The following UNC13C variants were observed in gnomAD, a reference collection of about 807,000 sequenced individuals.
UNC13C encodes the protein unc-13 homolog C.
UNC13C carries 174 observed loss-of-function variants against 245.4 expected under a neutral mutation model. The ratio of observed to expected loss-of-function variants is 0.71; its 90% confidence interval spans 0.63 to 0.80. The LOEUF (loss-of-function observed/expected upper bound fraction) is 0.80, where lower values mean the gene tolerates loss of function less well. UNC13C is among the 30% of genes least tolerant of loss of function. The pLI is 0.00. For synonymous variants in UNC13C, 992 were observed against 895.1 expected, an observed-to-expected ratio of 1.11 and a Z score of -1.93; for missense variants, 2,829 against 2,602.9, an observed-to-expected ratio of 1.09 and a Z score of -1.89.
intron 19 of UNC13C, among the ~76,000 whole-genome samples, chr15:54,443,720 G>C (rs1890655437): frequency 6.6e-6 from 1 of 151,854 alleles, no homozygotes; most frequent in Non-Finnish European, 1.5e-5. Context: ...GTTTCCAATA[G>C]GTCCTCTTTG....
chr15:54,462,856 G>T (rs1385980138), intron 19 of UNC13C, among the ~76,000 whole-genome samples: 1 of 152,152 alleles, frequency 6.6e-6, no homozygotes, highest in East Asian at 1.9e-4. Context: ...TGCTGGACTG[G>T]CAGGCAGCTC....
In UNC13C at chr15:54,048,476, A is replaced by T. The variant is rs1316935476; in HGVS notation, c.2983+32590A>T. On this transcript the variant is annotated intron_variant, in intron 2 of 32. Coordinates refer to ENST00000260323, the MANE Select transcript of UNC13C (RefSeq NM_001080534.3). ...CTTGATAATGAGGCCAGCCTGAAGA[A>T]GTGCTATTTCAGCCTCCTGTATGTT... 7 of 608,396 alleles carry T rather than the reference A, an allele frequency of 1.2e-5. No homozygotes were observed. The East Asian group carries it at 2.7e-4, about 24-fold the overall frequency. The allele number at this position is 608,396 out of a possible 1,614,324, so 37.7% of individuals were successfully genotyped here.
At chr15:54,506,232 G>A (rs1465886221) in intron 22 of UNC13C, among the ~76,000 whole-genome samples, 1 of 152,072 alleles carries the variant, frequency 6.6e-6, no homozygotes, top group East Asian at 1.9e-4. Flanking sequence ...GTGTTTATAT[G>A]TTGTTGTGTA....
At chr15:54,183,797 A>G (rs1026382344) in intron 4 of UNC13C, among the ~76,000 whole-genome samples, 2 of 151,630 alleles carry the variant, frequency 1.3e-5, no homozygotes, top group Admixed American at 6.6e-5. Flanking sequence ...CATTGCAGAC[A>G]GTATTAAGTA....
chr15:54,337,666 C>T (rs991123042), intron 16 of UNC13C, among the ~76,000 whole-genome samples: 9 of 152,138 alleles, frequency 5.9e-5, no homozygotes, highest in Admixed American at 5.2e-4. Flanking sequence ...TAAATTGTAA[C>T]GCTGTTCTCA....
chr15:53,974,655 T>C (rs563639686), upstream of UNC13C, among the ~76,000 whole-genome samples: 1 of 152,320 alleles, frequency 6.6e-6, no homozygotes, highest in East Asian at 1.9e-4. Context: ...GAGCCTAAAA[T>C]TTTACTTCTT....
chr15:53,855,558 G>A, the UNC13C span, among the ~76,000 whole-genome samples: 1 of 152,058 alleles, frequency 6.6e-6, no homozygotes, highest in African/African-American at 2.4e-5. Context: ...ATTATCATAT[G>A]GTTTTTTGTC....
the UNC13C span, among the ~76,000 whole-genome samples, chr15:53,869,053 G>A: frequency 2.6e-5 from 4 of 152,124 alleles, no homozygotes; most frequent in Non-Finnish European, 5.9e-5. Context: ...AGGCTGCATT[G>A]ATCCATGATT....
At chr15:53,888,075 G>A in the UNC13C span, among the ~76,000 whole-genome samples, 1 of 152,200 alleles carries the variant, frequency 6.6e-6, no homozygotes, top group Non-Finnish European at 1.5e-5. Context: ...ACCCGGTAAT[G>A]GGATTGCTGG....
At chr15:54,390,360 T>A (rs2039928141) in intron 17 of UNC13C, among the ~76,000 whole-genome samples, 1 of 152,150 alleles carries the variant, frequency 6.6e-6, no homozygotes, top group African/African-American at 2.4e-5. Flanking sequence ...TTTTCTGTAA[T>A]GAAATGACTT....
chr15:54,244,237 C>G (rs1266689156), intron 7 of UNC13C, among the ~76,000 whole-genome samples: 2 of 152,168 alleles, frequency 1.3e-5, no homozygotes. Context: ...AATAGGGAAT[C>G]CTTTCCTCAT....
rs569222122 is a variant in UNC13C, at chr15:54,243,056, G to C, written c.3228+5366G>C. 2.0e-5 allele frequency among the ~76,000 whole-genome samples: 3 copies of C among 152,170 alleles called. No individual in the cohort carries two copies. The East Asian group carries it at 5.8e-4, about 29-fold the overall frequency. On this transcript the variant is annotated intron_variant, in intron 7 of 32. Coordinates refer to ENST00000260323, the MANE Select transcript of UNC13C (RefSeq NM_001080534.3). ...ACACAGGTAAATGTGTGCCATGGTG[G>C]TTTGCTGCCCAGATCAACCCATCAC...
the UNC13C span, among the ~76,000 whole-genome samples, chr15:53,940,371 G>A: frequency 6.6e-6 from 1 of 151,750 alleles, no homozygotes; most frequent in South Asian, 2.1e-4. Flanking sequence ...TACTGAATAG[G>A]GAAAAGCTGG....
intron 31 of UNC13C, 57 bp downstream of exon 31, chr15:54,622,476 G>T: frequency 8.0e-7 from 1 of 1,252,708 alleles, no homozygotes; most frequent in South Asian, 1.3e-5. Context: ...CAGCAGTACT[G>T]ATATCAGCAA....
intron 10 of UNC13C, among the ~76,000 whole-genome samples, chr15:54,284,894 TTTA>T (rs1264559971): frequency 6.6e-6 from 1 of 152,164 alleles, no homozygotes; most frequent in African/African-American, 2.4e-5. Flanking sequence ...TTAAAACAAG[TTTA>T]TTCTGCAACT....
At chr15:54,498,721 C>T (rs1384656465) in intron 20 of UNC13C, among the ~76,000 whole-genome samples, 1 of 152,026 alleles carries the variant, frequency 6.6e-6, no homozygotes, top group Non-Finnish European at 1.5e-5. Context: ...TGTTTTCAAG[C>T]AACTATAAAA....
intron 7 of UNC13C, among the ~76,000 whole-genome samples, chr15:54,241,858 A>G (rs12912676): frequency 0.41 from 62,633 of 151,936 alleles, 14,897 homozygotes; most frequent in African/African-American, 0.65. Context: ...CTTTCCAGGA[A>G]GTACTGACAT....
At chr15:54,146,639 T>C (rs1378793907) in intron 4 of UNC13C, among the ~76,000 whole-genome samples, 2 of 152,230 alleles carry the variant, frequency 1.3e-5, no homozygotes, top group South Asian at 2.1e-4. Flanking sequence ...GTAGGAAAGA[T>C]ACATGTTTTG....
At chr15:54,377,897 T>C (rs1345610390) in intron 17 of UNC13C, among the ~76,000 whole-genome samples, 1 of 152,210 alleles carries the variant, frequency 6.6e-6, no homozygotes, top group Non-Finnish European at 1.5e-5. Flanking sequence ...CCATATCACT[T>C]ATGGATTACA....
Sources: gnomAD v4.1 joint callset for allele counts (sites outside exome capture counted in the v4.1 genomes callset) on GRCh38, gnomAD v4.1.1 for gene constraint, MANE v1.5 for transcripts, NCBI Gene and HGNC (gene_info 2026-07-23, HGNC 2026-07-21) for gene names.